Variants in ZFP36L2 observed in about 807,000 individuals in gnomAD.
The protein encoded by ZFP36L2 is ZFP36 like 2 zinc finger CCCH-type.
Under a neutral mutation model 27.9 loss-of-function variants are expected in ZFP36L2, and 16 were observed. The ratio of observed to expected loss-of-function variants is 0.57; its 90% CI spans 0.39 to 0.87. ZFP36L2 has a LOEUF of 0.87. Ranked by LOEUF, ZFP36L2 falls within the 40% of genes least tolerant of loss-of-function variation. The pLI, the probability that ZFP36L2 is intolerant of heterozygous loss-of-function variation, is 0.00. For missense variants in ZFP36L2, 989 were observed against 726.9 expected (o/e 1.36, Z -4.15); for synonymous variants, 600 against 363.8 (o/e 1.65, Z -7.39).
rs1197303692 is a variant in ZFP36L2, at chr2:43,222,739, C to A, written c.*1580G>T. ...AGGCATATTCATGTACTACATATTT[C>A]AGCACTAAGGCGGTTGCTTCACTTT... is the stretch of plus-strand genomic sequence containing the variant. On this transcript the variant is annotated 3_prime_UTR_variant, in exon 2 of 2. Coordinates refer to ENST00000282388, the MANE Select transcript of ZFP36L2 (RefSeq NM_006887.5). 2 of 152,344 alleles carry A rather than the reference C, an allele frequency of 1.3e-5. No homozygotes were observed. Among genetic ancestry groups the A allele is most frequent in the Admixed American group, 6.5e-5 (1 of 15,282 alleles). 9.4% of individuals were successfully genotyped at this position (152,344 alleles called of 1,614,324 possible). A position where few individuals can be genotyped will look rare whatever the true frequency, so the allele number is the denominator to read the frequency against.
In ZFP36L2 at chr2:43,226,224, C is replaced by CT. The variant is rs1667099972; in HGVS notation, c.51+40dup. ...TGGGGACAGAGGCAAAGTCCAAGAA[C>CT]TACAACGGCTGCTGCCGGCCGGGCC... is the stretch of plus-strand genomic sequence containing the variant. On this transcript the variant is annotated intron_variant, in intron 1 of 1. Coordinates refer to ENST00000282388, the MANE Select transcript of ZFP36L2 (RefSeq NM_006887.5). The CT allele has an allele frequency of 1.9e-6, 3 of 1,557,184 alleles. No homozygotes were observed. The African/African-American group carries it at 4.1e-5, about 21-fold the overall frequency.
rs963129646 is a variant in ZFP36L2 at position 43,225,204 on chromosome 2, A to G, written c.600T>C (p.Phe200=). ...PKYKTELCRT[F]HTIGFCPYGP... The stretch of plus-strand genomic sequence containing the variant: ...CATAGGGGCAGAAGCCGATGGTATG[A>G]AAGGTGCGGCACAGCTCGGTCTTGT... Residue 200 remains phenylalanine (F), a synonymous_variant, in exon 2 of 2, where the codon TTT becomes TTC. Coordinates refer to ENST00000282388, the MANE Select transcript of ZFP36L2 (RefSeq NM_006887.5). 6.2e-7 allele frequency: 1 copy of G among 1,603,464 alleles called. No individual in the cohort carries two copies. The highest frequency in any genetic ancestry group is 1.3e-5 in the African/African-American group (1 of 74,834).
Position 43,225,110 on chromosome 2 carries a change from C to T in ZFP36L2, c.694G>A (p.Asp232Asn). 6.3e-7 allele frequency: 1 copy of T among 1,593,824 alleles called. No individual in the cohort carries two copies. Among genetic ancestry groups the T allele is most frequent in the African/African-American group, 1.3e-5 (1 of 74,874 alleles). Residue 232 changes from aspartate to asparagine, a missense_variant, in exon 2 of 2, where the codon GAC becomes AAC. Transcript: ENST00000282388. Reference protein sequence around the residue: ...RPAPSGGASGDLRAFGTRDAL... With the variant: ...RPAPSGGASGNLRAFGTRDAL... ...TCGCGCGTGCCAAAGGCACGCAGGT[C>T]CCCGGAGGCGCCCCCCGACGGCGCG...
Position 43,224,363 on chromosome 2 carries a change from G to A in ZFP36L2, c.1441C>T (p.Arg481Cys). Residue 481 changes from arginine to cysteine, a missense_variant, in exon 2 of 2, where the codon CGC becomes TGC. Arg to Cys is a radical substitution (Grantham distance 180, BLOSUM62 -3). Transcript: ENST00000282388. Reference protein sequence around the residue: ...GSESPSLDPGRRLPIFSRLSI... With the variant: ...GSESPSLDPGCRLPIFSRLSI... ...AGGCGGCTGAAGATTGGCAGGCGGC[G>A]GCCAGGGTCGAGGCTGGGAGACTCA... 3 of 1,558,872 alleles carry A rather than the reference G, an allele frequency of 1.9e-6. No homozygotes were observed. The highest frequency in any genetic ancestry group is 2.6e-6 in the Non-Finnish European group (3 of 1,158,410).
rs748333896 is a variant in ZFP36L2, at chr2:43,225,508, C to T, written c.296G>A (p.Gly99Asp). ...GCCCCCCGACGGCTCCTTAAGGGTG[C>T]CGTAGGAGGTCGGACCGCCGGCCGC... ...SAAAGGPTSYGTLKEPSGGGG... is the reference protein window; with the variant it reads ...SAAAGGPTSYDTLKEPSGGGG... Residue 99 changes from glycine to aspartate, a missense_variant, in exon 2 of 2, where the codon GGC becomes GAC. Transcript: ENST00000282388. The T allele has an allele frequency of 2.3e-5, 37 of 1,604,346 alleles. No homozygotes were observed. The highest frequency in any genetic ancestry group is 5.1e-5 in the Admixed American group (3 of 59,368).
At position 43,226,456 on chromosome 2, in the gene ZFP36L2, G is replaced by A. The variant is rs1388852115; in HGVS notation, c.-141C>T. The A allele has an allele frequency of 9.1e-7, 1 of 1,098,600 alleles. No individual in the cohort carries two copies. The highest frequency in any genetic ancestry group is 2.1e-5 in the Admixed American group (1 of 46,926). The allele number at this position is 1,098,600 out of a possible 1,614,324, so 68.1% of individuals were successfully genotyped here. On this transcript the variant is annotated 5_prime_UTR_variant, in exon 1 of 2. Coordinates refer to ENST00000282388, the MANE Select transcript of ZFP36L2 (RefSeq NM_006887.5). ...GAAAGTTTGCCGGGGGGCGAGAGGA[G>A]AGGGCGAGTGCAGCGGCGCGGGCCG...
chr2:43,224,347 A>C lies in ZFP36L2; in HGVS notation c.1457T>G (p.Phe486Cys). 6.4e-7 allele frequency: 1 copy of C among 1,573,316 alleles called. No homozygotes were observed. Among genetic ancestry groups the C allele is most frequent in the Non-Finnish European group, 8.6e-7 (1 of 1,164,170 alleles). Residue 486 changes from phenylalanine (F) to cysteine (C), a missense_variant, in exon 2 of 2, where the codon TTC (phenylalanine) becomes TGC (cysteine). Physicochemically the swap from Phe to Cys is radical, Grantham distance 205. Transcript: ENST00000282388. ...SLDPGRRLPIFSRLSISDD is the reference protein window; with the variant it reads ...SLDPGRRLPICSRLSISDD The stretch of plus-strand genomic sequence containing the variant: ...GTCGTCGGAGATGGAGAGGCGGCTG[A>C]AGATTGGCAGGCGGCGGCCAGGGTC...
chr2:43,226,061 G>C (rs922918756), intron 1 of ZFP36L2, among the ~76,000 whole-genome samples: 4 of 152,192 alleles, frequency 2.6e-5, no homozygotes, highest in East Asian at 1.9e-4. Context: ...GGCCGCGGTC[G>C]GCAGTGGAGA....
At position 43,226,276 on chromosome 2, in the gene ZFP36L2, A is replaced by C. The variant is rs1175891940; in HGVS notation, c.40T>G (p.Phe14Val). 6.3e-7 allele frequency: 1 copy of C among 1,586,624 alleles called. No individual in the cohort carries two copies. Among genetic ancestry groups the C allele is most frequent in the East Asian group, 2.3e-5 (1 of 43,468 alleles). The part of the protein sequence containing the change: ...TLLSAFYDVD[F>V]LCKTEKSLAN... Reference sequence around the variant, plus strand: ...GCTCCCTGGCCTACCTTGCACAAGAAGTCGACATCGTAGAAGGCGGACAGA... The same window carrying C: ...GCTCCCTGGCCTACCTTGCACAAGACGTCGACATCGTAGAAGGCGGACAGA... Residue 14 changes from phenylalanine to valine, a missense_variant, in exon 1 of 2, where the codon TTC (phenylalanine) becomes GTC (valine). Phe to Val is a conservative substitution (Grantham distance 50). Transcript: ENST00000282388.
Position 43,225,523 on chromosome 2 carries a change from C to A in ZFP36L2, c.281G>T (p.Gly94Val). ...CTTAAGGGTGCCGTAGGAGGTCGGA[C>A]CGCCGGCCGCCGCGCTGCCGCAGCT... ...GSSCGSAAAG[G>V]PTSYGTLKEP... is the part of the protein sequence containing the mutation. The change falls in exon 2 of 2, where the codon GGT becomes GTT. Residue 94 changes from glycine to valine, a missense_variant. Physicochemically the swap from Gly to Val is moderately radical, Grantham distance 109 (BLOSUM62 -3). Transcript: ENST00000282388. The A allele has an allele frequency of 3.2e-6, 5 of 1,585,888 alleles. No homozygotes were observed. The highest frequency in any genetic ancestry group is 4.3e-6 in the Non-Finnish European group (5 of 1,169,956).
In ZFP36L2 at chr2:43,225,093, G is replaced by T; in HGVS notation, c.711C>A (p.Gly237=). 6.3e-7 allele frequency: 1 copy of T among 1,593,510 alleles called. No individual in the cohort carries two copies. Among genetic ancestry groups the T allele is most frequent in the Non-Finnish European group, 8.5e-7 (1 of 1,177,298 alleles). ...GGASGDLRAF[G]TRDALHLGFP... is the part of the protein sequence containing the mutation. ...AGCCCAGGTGCAACGCATCGCGCGT[G>T]CCAAAGGCACGCAGGTCCCCGGAGG... Residue 237 remains glycine, a synonymous_variant, in exon 2 of 2, where the codon GGC becomes GGA. Transcript: ENST00000282388.
At position 43,225,498 on chromosome 2, in the gene ZFP36L2, C is replaced by T. The variant is rs1255435029; in HGVS notation, c.306G>A (p.Lys102=). 6.2e-7 allele frequency: 1 copy of T among 1,608,184 alleles called. No individual in the cohort carries two copies. The highest frequency in any genetic ancestry group is 8.5e-7 in the Non-Finnish European group (1 of 1,178,542). The change falls in exon 2 of 2, where the codon AAG becomes AAA. Residue 102 remains lysine, a synonymous_variant. Coordinates refer to ENST00000282388, the MANE Select transcript of ZFP36L2 (RefSeq NM_006887.5). ...CTGTGCCGCCGCCCCCCGACGGCTC[C>T]TTAAGGGTGCCGTAGGAGGTCGGAC... is the stretch of plus-strand genomic sequence containing the variant. ...AGGPTSYGTL[K]EPSGGGGTAL...
chr2:43,226,267 T>C lies in ZFP36L2; in HGVS notation c.49A>G (p.Lys17Glu). ...SAFYDVDFLC[K>E]TEKSLANLNL... ...GCCGGGCCCGCTCCCTGGCCTACCT[T>C]GCACAAGAAGTCGACATCGTAGAAG... is the stretch of plus-strand genomic sequence containing the variant. The change falls in exon 1 of 2, where the codon AAG (lysine) becomes GAG (glutamate). Residue 17 changes from lysine to glutamate, a missense_variant and splice_region_variant. Physicochemically the swap from Lys to Glu is moderately conservative, Grantham distance 56 (BLOSUM62 1). Coordinates refer to ENST00000282388, the MANE Select transcript of ZFP36L2 (RefSeq NM_006887.5). The C allele has an allele frequency of 6.3e-7, 1 of 1,583,008 alleles. No homozygotes were observed. Among genetic ancestry groups the C allele is most frequent in the Non-Finnish European group, 8.6e-7 (1 of 1,163,738 alleles).
Position 43,224,643 on chromosome 2 carries a change from G to GGCC in ZFP36L2, c.1158_1160dup (p.Ala390dup). On this transcript the variant is annotated inframe_insertion, in exon 2 of 2. Transcript: ENST00000282388. ...GCTGACTGCGGTAGTAGGCGGCGGC[G>GGCC]GCCACGGCGGCAAAGTTGTGGGTCT... 1 of 1,502,822 alleles carries GGCC rather than the reference G, an allele frequency of 6.7e-7. No homozygotes were observed. The allele number at this position is 1,502,822 out of a possible 1,614,324, so 93.1% of individuals were successfully genotyped here.
chr2:43,226,191 C>A, intron 1 of ZFP36L2, 74 bp downstream of exon 1: 1 of 1,540,104 alleles, frequency 6.5e-7, no homozygotes, highest in Admixed American at 2.0e-5. Flanking sequence ...GGGGCGTCCC[C>A]CAGAACCTGG....
chr2:43,225,698 C>T lies in ZFP36L2; in HGVS notation c.106G>A (p.Val36Met), dbSNP rs1232118722. 1 of 1,595,524 alleles carries T rather than the reference C, an allele frequency of 6.3e-7. No homozygotes were observed. The highest frequency in any genetic ancestry group is 1.3e-5 in the African/African-American group (1 of 74,386). ...GGGGCGGCGGCCACAGGCGTCCCCA[C>T]CGCCTTCTTGTCCAGCATGTTGTTC... ...NLNNMLDKKAVGTPVAAAPSS... is the reference protein window; with the variant it reads ...NLNNMLDKKAMGTPVAAAPSS... The change falls in exon 2 of 2, where the codon GTG becomes ATG. Residue 36 changes from valine to methionine, a missense_variant. Coordinates refer to ENST00000282388, the MANE Select transcript of ZFP36L2 (RefSeq NM_006887.5).
At chr2:43,226,164 T>C in intron 1 of ZFP36L2, 101 bp downstream of exon 1, 1 of 1,494,086 alleles carries the variant, frequency 6.7e-7, no homozygotes, top group Non-Finnish European at 9.1e-7. Context: ...TTTCCCGACC[T>C]GAAAGGCAGG....
chr2:43,224,819 CCGCGGCCGCCGCGGAGG>C lies in ZFP36L2; in HGVS notation c.968_984del (p.Ala323GlyfsTer145). On this transcript the variant is annotated frameshift_variant, in exon 2 of 2. Transcript: ENST00000282388. LOFTEE classifies it high-confidence loss of function. ...GTGCCGTACAGCAGAGCGGCCGCAG[CCGCGGCCGCCGCGGAGG>C]CGCAGCATGTCGGGGCGCCCGAGGG... 1 of 1,420,014 alleles carries C rather than the reference CCGCGGCCGCCGCGGAGG, an allele frequency of 7.0e-7. No homozygotes were observed. The highest frequency in any genetic ancestry group is 9.1e-7 in the Non-Finnish European group (1 of 1,100,478). The allele number at this position is 1,420,014 out of a possible 1,614,324, so 88.0% of individuals were successfully genotyped here.
At position 43,224,464 on chromosome 2, in the gene ZFP36L2, G is replaced by T. The variant is rs1488827505; in HGVS notation, c.1340C>A (p.Pro447His). Reference protein sequence around the residue: ...LSDSPVFDAPPSPPDSLSDRD... With the variant: ...LSDSPVFDAPHSPPDSLSDRD... ...GTCCGACAGCGAGTCCGGGGGGCTG[G>T]GGGGCGCGTCGAACACGGGCGAGTC... The change falls in exon 2 of 2, where the codon CCC (proline) becomes CAC (histidine). Residue 447 changes from proline to histidine, a missense_variant. Coordinates refer to ENST00000282388, the MANE Select transcript of ZFP36L2 (RefSeq NM_006887.5). 8 of 1,513,736 alleles carry T rather than the reference G, an allele frequency of 5.3e-6. No homozygotes were observed. The highest frequency in any genetic ancestry group is 5.3e-6 in the Non-Finnish European group (6 of 1,136,662). The allele number at this position is 1,513,736 out of a possible 1,614,324, so 93.8% of individuals were successfully genotyped here. A position where few individuals can be genotyped will look rare whatever the true frequency, so the allele number is the denominator to read the frequency against.
Sources: gnomAD v4.1 joint callset for allele counts (sites outside exome capture counted in the v4.1 genomes callset) on GRCh38, gnomAD v4.1.1 for gene constraint, MANE v1.5 for transcripts, NCBI Gene and HGNC (gene_info 2026-07-23, HGNC 2026-07-21) for gene names.